The following PRKCB variants were observed in gnomAD, a reference collection of about 807,000 sequenced individuals.
PRKCB encodes the protein protein kinase C beta.
In PRKCB, 13 loss-of-function variants were observed where a neutral mutation model predicts 81.5. The observed-to-expected ratio is 0.16, with a 90% confidence interval of 0.10 to 0.25. The LOEUF (loss-of-function observed/expected upper bound fraction) is 0.25. PRKCB is among the 10% of genes least tolerant of loss of function. The pLI is 1.00. For missense variants in PRKCB, 509 were observed against 875.7 expected (o/e 0.58, Z 5.29); for synonymous variants, 335 against 321.4 (o/e 1.04, Z -0.45).
At position 24,000,505 on chromosome 16, in the gene PRKCB, C is replaced by T. The variant is rs778129456; in HGVS notation, c.288+11915C>T. ...GGGCATGTCGTTCGACTTCTCTATG[C>T]CCTAGTCTCCTTATATGTAAAATAG... On this transcript the variant is annotated intron_variant, in intron 3 of 16. Coordinates refer to ENST00000643927, the MANE Select transcript of PRKCB (RefSeq NM_002738.7). 3.9e-4 allele frequency among the ~76,000 whole-genome samples: 60 copies of T among 152,160 alleles called. 1 individual carries two copies. The highest frequency in any genetic ancestry group is 1.2e-3 in the Admixed American group (18 of 15,270).
In PRKCB at chr16:24,218,105, G is replaced by T; in HGVS notation, c.*3289G>T. 1.0e-6 allele frequency: 1 copy of T among 985,394 alleles called. No homozygotes were observed. The highest frequency in any genetic ancestry group is 1.2e-6 in the Non-Finnish European group (1 of 829,920). The allele number at this position is 985,394 out of a possible 1,614,324, so 61.0% of individuals were successfully genotyped here. On this transcript the variant is annotated 3_prime_UTR_variant, in exon 17 of 17. Transcript: ENST00000643927. The stretch of plus-strand genomic sequence containing the variant: ...CTGGAAATACACTAGTGAAGAAGCA[G>T]ATGAGGACCCTGTTTATTGTTTCTC...
rs56671761 is a variant in PRKCB, at chr16:24,168,541, C to CTTTTTTTTTTTTTTT, written c.1240-3714_1240-3700dup. ...TTCATTATTTTTCTTTCTTCTTCTA[C>CTTTTTTTTTTTTTTT]TTTTTTTTTTTTTTTTTTTTTTTTT... On this transcript the variant is annotated intron_variant, in intron 10 of 16. Coordinates refer to ENST00000643927, the MANE Select transcript of PRKCB (RefSeq NM_002738.7). Among the ~76,000 whole-genome samples the CTTTTTTTTTTTTTTT allele has an allele frequency of 5.8e-4, 44 of 76,390 alleles. 8 individuals carry two copies. Among genetic ancestry groups the CTTTTTTTTTTTTTTT allele is most frequent in the Non-Finnish European group, 1.0e-3 (34 of 33,870 alleles). 50.1% of individuals were successfully genotyped at this position (76,390 alleles called of 152,430 possible).
intron 2 of PRKCB, among the ~76,000 whole-genome samples, chr16:23,974,902 C>T (rs1051181208): frequency 3.3e-5 from 5 of 152,126 alleles, no homozygotes; most frequent in African/African-American, 1.2e-4. Flanking sequence ...GTTTTCTGTC[C>T]TTGTCCCAAG....
At chr16:23,836,683 G>A (rs1182970402) in intron 1 of PRKCB, among the ~76,000 whole-genome samples, 1 of 151,748 alleles carries the variant, frequency 6.6e-6, no homozygotes, top group Non-Finnish European at 1.5e-5. Context: ...GGAGGGCAGC[G>A]CCTCGGGTGC....
At chr16:24,020,976 T>TTTCTTTCTTTCTTTCTTTCTTTC (rs1195937545) in intron 3 of PRKCB, among the ~76,000 whole-genome samples, 6 of 96,630 alleles carry the variant, frequency 6.2e-5, no homozygotes, top group African/African-American at 1.6e-4. Context: ...AGACTTTTCT[T>TTTCTTTCTTTCTTTCTTTCTTTC]TTTCTTTCTT....
rs865977055 is a variant in PRKCB, at chr16:24,002,813, C to G, written c.288+14223C>G. On this transcript the variant is annotated intron_variant, in intron 3 of 16. Coordinates refer to ENST00000643927, the MANE Select transcript of PRKCB (RefSeq NM_002738.7). ...CATTGTGCAGTCTACCACACTGACC[C>G]TTATCTGCTGTGCCAGATGCCTCGT... Among the ~76,000 whole-genome samples the G allele has an allele frequency of 1.6e-4, 24 of 152,130 alleles. 1 individual carries two copies. In the South Asian group the frequency reaches 2.9e-3, roughly 18 times the overall value.
chr16:24,037,060 C>T (rs1013888479), intron 5 of PRKCB, among the ~76,000 whole-genome samples: 2 of 152,174 alleles, frequency 1.3e-5, no homozygotes, highest in African/African-American at 4.8e-5. Flanking sequence ...GCCATCTTAG[C>T]TCACTGGAAC....
intron 9 of PRKCB, among the ~76,000 whole-genome samples, chr16:24,138,687 G>T (rs1296865720): frequency 6.6e-6 from 1 of 151,736 alleles, no homozygotes; most frequent in African/African-American, 2.4e-5. Flanking sequence ...CTTTTAAATT[G>T]CTAGTACTTA....
intron 5 of PRKCB, among the ~76,000 whole-genome samples, chr16:24,089,179 A>G (rs1423266279): frequency 6.6e-6 from 1 of 152,206 alleles, no homozygotes; most frequent in Non-Finnish European, 1.5e-5. Flanking sequence ...CTCCAGAACA[A>G]TGTTACTTAA....
intron 3 of PRKCB, among the ~76,000 whole-genome samples, chr16:24,001,316 C>T (rs1965031568): frequency 6.6e-6 from 1 of 152,038 alleles, no homozygotes; most frequent in Admixed American, 6.6e-5. Flanking sequence ...TGAGTAAAAC[C>T]CACTGTTAGG....
Position 24,191,124 on chromosome 16 carries a change from G to C in PRKCB, c.1757G>C (p.Cys586Ser), listed in dbSNP as rs1047623176. The C allele has an allele frequency of 8.7e-6, 14 of 1,614,086 alleles. No individual in the cohort carries two copies. Among genetic ancestry groups the C allele is most frequent in the Non-Finnish European group, 1.2e-5 (14 of 1,180,000 alleles). ...MTKHPGKRLG[C>S]GPEGERDIKE... ...AAACACCCAGGCAAACGTCTGGGTTGTGGACCTGAAGGCGAACGTGATATC... is the reference window on the plus strand; with the variant it reads ...AAACACCCAGGCAAACGTCTGGGTTCTGGACCTGAAGGCGAACGTGATATC... Residue 586 changes from cysteine (C) to serine (S), a missense_variant, in exon 16 of 17, where the codon TGT becomes TCT. By Grantham distance (112) the Cys-to-Ser change is moderately radical. Around this residue, in one of 6 missense-constraint regions of PRKCB, gnomAD observed 104 missense variants for 160.5 expected, o/e 0.65. Coordinates refer to ENST00000643927, the MANE Select transcript of PRKCB (RefSeq NM_002738.7).
At chr16:24,003,865 C>G (rs1342011282) in intron 3 of PRKCB, among the ~76,000 whole-genome samples, 2 of 152,140 alleles carry the variant, frequency 1.3e-5, no homozygotes, top group Non-Finnish European at 2.9e-5. Context: ...AAAGTAATAA[C>G]TAATTATTAT....
At chr16:24,109,468 G>A (rs1300956054) in intron 7 of PRKCB, among the ~76,000 whole-genome samples, 5 of 118,836 alleles carry the variant, frequency 4.2e-5, no homozygotes, top group Admixed American at 3.2e-4. Context: ...CATCCCAGAC[G>A]GGGCGGCGGG....
At chr16:23,860,517 A>G (rs1247476646) in intron 2 of PRKCB, among the ~76,000 whole-genome samples, 2 of 152,098 alleles carry the variant, frequency 1.3e-5, no homozygotes, top group Admixed American at 6.6e-5. Context: ...TATCTGAAGT[A>G]TGTTACTGGT....
In PRKCB at chr16:23,856,993, G is replaced by C. The variant is rs1317189594; in HGVS notation, c.205+19587G>C. ...TGAACTTGGCCCATGGACTGTTGAG[G>C]CTTTTTTTTTAATCTTTAGAGATGA... On this transcript the variant is annotated intron_variant, in intron 2 of 16. Transcript: ENST00000643927. Among the ~76,000 whole-genome samples the C allele has an allele frequency of 2.6e-5, 4 of 151,940 alleles. No individual in the cohort carries two copies. In the East Asian group the frequency reaches 5.8e-4, roughly 22 times the overall value.
chr16:24,139,786 G>A (rs1239598502), intron 9 of PRKCB, among the ~76,000 whole-genome samples: 9 of 152,106 alleles, frequency 5.9e-5, no homozygotes, highest in South Asian at 4.1e-4. Context: ...AAAACCTTAC[G>A]TAATAAATCA....
At position 24,172,306 on chromosome 16, in the gene PRKCB, G is replaced by A; in HGVS notation, c.1276G>A (p.Gly426Ser). The change falls in exon 11 of 17, where the codon GGC becomes AGC. Residue 426 changes from glycine to serine, a missense_variant. Physicochemically the swap from Gly to Ser is moderately conservative, Grantham distance 56. Coordinates refer to ENST00000643927, the MANE Select transcript of PRKCB (RefSeq NM_002738.7). ...LYFVMEYVNG[G>S]DLMYHIQQVG... ...CTTTGTGATGGAGTACGTGAATGGG[G>A]GCGACCTCATGTATCACATCCAGCA... 6.2e-7 allele frequency: 1 copy of A among 1,614,014 alleles called. No homozygotes were observed. The highest frequency in any genetic ancestry group is 8.5e-7 in the Non-Finnish European group (1 of 1,179,970).
intron 3 of PRKCB, among the ~76,000 whole-genome samples, chr16:23,993,646 G>C (rs1483202982): frequency 6.6e-6 from 1 of 152,160 alleles, no homozygotes; most frequent in African/African-American, 2.4e-5. Context: ...CTTACTATGG[G>C]AACCACAGCC....
At chr16:23,993,684 G>A (rs1000875063) in intron 3 of PRKCB, among the ~76,000 whole-genome samples, 1 of 152,174 alleles carries the variant, frequency 6.6e-6, no homozygotes, top group Non-Finnish European at 1.5e-5. Context: ...AAATGCAATG[G>A]GAATAATTGG....
Sources: gnomAD v4.1 joint callset for allele counts (sites outside exome capture counted in the v4.1 genomes callset) on GRCh38, gnomAD v4.1.1 for gene constraint, gnomAD v4.1.1 regional missense constraint, MANE v1.5 for transcripts, NCBI Gene and HGNC (gene_info 2026-07-23, HGNC 2026-07-21) for gene names.